Variants in RNF19A observed in about 807,000 individuals in gnomAD.
RNF19A encodes E3 ubiquitin-protein ligase RNF19A.
RNF19A carries 32 observed loss-of-function variants against 75.7 expected under a neutral mutation model. The ratio of observed to expected loss-of-function variants is 0.42; its 90% CI spans 0.32 to 0.57. The LOEUF is 0.57. RNF19A is among the 20% of genes least tolerant of loss of function. The pLI, the probability that RNF19A is intolerant of heterozygous loss-of-function variation, is 0.10. For missense variants in RNF19A, 782 were observed against 1,036.3 expected (o/e 0.75, Z 3.37); for synonymous variants, 335 against 345.2 (o/e 0.97, Z 0.33).
At position 100,261,865 on chromosome 8, in the gene RNF19A, C is replaced by T. The variant is rs1184290584; in HGVS notation, c.1469-110G>A. On this transcript the variant is annotated intron_variant, in intron 7 of 9. Transcript: ENST00000341084. The surrounding 1 kb of genome is among the most constrained non-coding windows in gnomAD (Gnocchi z 4.4). ...CATTATATAAGGTATAAAATATACG[C>T]AGACATGGAAAAATATTTTTTTCAG... 6 of 1,092,006 alleles carry T rather than the reference C, an allele frequency of 5.5e-6. No homozygotes were observed. The African/African-American group carries it at 6.3e-5, about 11-fold the overall frequency. 67.6% of individuals were successfully genotyped at this position (1,092,006 alleles called of 1,614,324 possible). A position where few individuals can be genotyped will look rare whatever the true frequency, so the allele number is the denominator to read the frequency against.
At position 100,333,217 on chromosome 8, in the gene RNF19A, T is replaced by G. The variant is rs1175710463; in HGVS notation, c.-243+2891A>C. 6.6e-6 allele frequency among the ~76,000 whole-genome samples: 1 copy of G among 152,248 alleles called. No individual in the cohort carries two copies. Among genetic ancestry groups the G allele is most frequent in the Non-Finnish European group, 1.5e-5 (1 of 68,044 alleles). Reference sequence around the variant, plus strand: ...TGTGATGCTTTCTGCCATGTAATGATGTAGCAAGATGGCCCTCATCAGATG... The same window carrying G: ...TGTGATGCTTTCTGCCATGTAATGAGGTAGCAAGATGGCCCTCATCAGATG... On this transcript the variant is annotated intron_variant, in intron 1 of 3. Coordinates refer to the RNF19A transcript ENST00000519527. The surrounding 1 kb of genome is among the most constrained non-coding windows in gnomAD (Gnocchi z 4.7).
chr8:100,293,738 A>G (rs889421537), intron 1 of RNF19A, among the ~76,000 whole-genome samples: 24 of 152,088 alleles, frequency 1.6e-4, no homozygotes, highest in African/African-American at 5.1e-4. Context: ...AATTATTTGT[A>G]TGTCAGTTTG....
intron 1 of RNF19A, among the ~76,000 whole-genome samples, chr8:100,308,440 T>C (rs1376747510): frequency 6.6e-6 from 1 of 152,206 alleles, no homozygotes; most frequent in Non-Finnish European, 1.5e-5. Context: ...CGCCATTTTC[T>C]AAATAGAGAA....
At chr8:100,306,583 T>C (rs1475218125) in intron 1 of RNF19A, among the ~76,000 whole-genome samples, 1 of 152,206 alleles carries the variant, frequency 6.6e-6, no homozygotes, top group Non-Finnish European at 1.5e-5. Flanking sequence ...GTGTTACTTT[T>C]TCCACTTTGA....
At position 100,275,702 on chromosome 8, in the gene RNF19A, T is replaced by C. The variant is rs1231890745; in HGVS notation, c.675-541A>G. ...AATCTTAATAATGGTTTTCTTGGTA[T>C]TGGGTTTTAATTTTCTTGTTTATAT... On this transcript the variant is annotated intron_variant, in intron 2 of 9. Transcript: ENST00000341084. The surrounding 1 kb of genome is among the most constrained non-coding windows in gnomAD (Gnocchi z 4.3). Among the ~76,000 whole-genome samples, 1 of 152,206 alleles carries C rather than the reference T, an allele frequency of 6.6e-6. No individual in the cohort carries two copies. The highest frequency in any genetic ancestry group is 1.9e-4 in the East Asian group (1 of 5,204).
At chr8:100,310,534 C>A (rs1660345), upstream of RNF19A, among the ~76,000 whole-genome samples, 48,907 of 152,134 alleles carry the variant, frequency 0.32, 8,580 homozygotes, top group East Asian at 0.41. Context: ...CCTTTGTGTT[C>A]TCAGGGTTCA....
intron 1 of RNF19A, among the ~76,000 whole-genome samples, chr8:100,318,940 A>G (rs940949319): frequency 7.2e-5 from 11 of 152,256 alleles, no homozygotes; most frequent in Non-Finnish European, 1.3e-4. Context: ...GGCCAGAAGC[A>G]CATGGCCCAG....
At chr8:100,276,675 T>G (rs1379064384) in intron 2 of RNF19A, among the ~76,000 whole-genome samples, 1 of 148,444 alleles carries the variant, frequency 6.7e-6, no homozygotes, top group Non-Finnish European at 1.5e-5. Context: ...CTGCTTGAAC[T>G]TGGGAGGCAG....
chr8:100,269,509 A>G lies in RNF19A; in HGVS notation c.1028+360T>C, dbSNP rs939486312. ...AATAGTAAACTAATGCAAAACATGC[A>G]TATTTTTAGGCATCAATTATCTGAT... On this transcript the variant is annotated intron_variant, in intron 4 of 9. Coordinates refer to ENST00000341084, the MANE Select transcript of RNF19A (RefSeq NM_183419.4). The surrounding 1 kb of genome is among the most constrained non-coding windows in gnomAD (Gnocchi z 5.7). Among the ~76,000 whole-genome samples the G allele has an allele frequency of 1.3e-5, 2 of 152,126 alleles. No homozygotes were observed. The highest frequency in any genetic ancestry group is 1.3e-4 in the Admixed American group (2 of 15,256).
chr8:100,310,272 C>G, upstream of RNF19A: 7 of 983,010 alleles, frequency 7.1e-6, no homozygotes, highest in Non-Finnish European at 8.5e-6. Flanking sequence ...CACGTTCGTT[C>G]CGCGCCCGCG....
chr8:100,280,549 G>A (rs1167372845), intron 2 of RNF19A, among the ~76,000 whole-genome samples: 1 of 152,128 alleles, frequency 6.6e-6, no homozygotes, highest in East Asian at 1.9e-4. Context: ...AAACATTCAA[G>A]TCTTACTGAA....
chr8:100,261,455 A>G lies in RNF19A; in HGVS notation c.1682+87T>C, dbSNP rs529334574. ...CCTTGACATAGTAGGGTTATATATAATCATCATGCTTTATGTTCAAAATTC... is the reference window on the plus strand; with the variant it reads ...CCTTGACATAGTAGGGTTATATATAGTCATCATGCTTTATGTTCAAAATTC... On this transcript the variant is annotated intron_variant, in intron 8 of 9. Coordinates refer to ENST00000341084, the MANE Select transcript of RNF19A (RefSeq NM_183419.4). This position sits in a 1 kb window ranked among gnomAD's most constrained non-coding sequence, Gnocchi z 4.4. 5.2e-5 allele frequency: 61 copies of G among 1,167,544 alleles called. No homozygotes were observed. Among genetic ancestry groups the G allele is most frequent in the South Asian group, 1.0e-4 (8 of 76,930 alleles). The allele number at this position is 1,167,544 out of a possible 1,614,324, so 72.3% of individuals were successfully genotyped here. A position where few individuals can be genotyped will look rare whatever the true frequency, so the allele number is the denominator to read the frequency against.
chr8:100,259,591 A>G lies in RNF19A; in HGVS notation c.1826+263T>C, dbSNP rs572825583. On this transcript the variant is annotated intron_variant, in intron 9 of 9. Coordinates refer to ENST00000341084, the MANE Select transcript of RNF19A (RefSeq NM_183419.4). This position sits in a 1 kb window ranked among gnomAD's most constrained non-coding sequence, Gnocchi z 4.5. ...AGCTGTGCAACCATCACCACTACCTAACTTCAGAACATTTTCATGATCCCA... is the reference window on the plus strand; with the variant it reads ...AGCTGTGCAACCATCACCACTACCTGACTTCAGAACATTTTCATGATCCCA... Among the ~76,000 whole-genome samples, 2 of 152,080 alleles carry G rather than the reference A, an allele frequency of 1.3e-5. No individual in the cohort carries two copies. Among genetic ancestry groups the G allele is most frequent in the African/African-American group, 2.4e-5 (1 of 41,398 alleles).
Position 100,330,776 on chromosome 8 carries a change from C to T in RNF19A, c.-243+5332G>A, listed in dbSNP as rs943216585. 5.3e-5 allele frequency among the ~76,000 whole-genome samples: 8 copies of T among 152,090 alleles called. No individual in the cohort carries two copies. The highest frequency in any genetic ancestry group is 1.9e-4 in the African/African-American group (8 of 41,378). ...TGTCCTTTCAGTTTCTAACTTCTCTCCTTCTCTCTCCTTCCCATGGCTTCT... is the reference window on the plus strand; with the variant it reads ...TGTCCTTTCAGTTTCTAACTTCTCTTCTTCTCTCTCCTTCCCATGGCTTCT... On this transcript the variant is annotated intron_variant, in intron 1 of 3. Transcript: ENST00000519527. This position sits in a 1 kb window ranked among gnomAD's most constrained non-coding sequence, Gnocchi z 4.1.
chr8:100,309,958 G>C (rs1199300365), upstream of RNF19A: 1 of 985,886 alleles, frequency 1.0e-6, no homozygotes, highest in East Asian at 1.1e-4. Flanking sequence ...AAGCGCGGGG[G>C]AGGGTCCCTC....
At chr8:100,321,777 A>C (rs1345956973) in intron 1 of RNF19A, among the ~76,000 whole-genome samples, 3 of 152,246 alleles carry the variant, frequency 2.0e-5, no homozygotes, top group African/African-American at 7.2e-5. Context: ...AACAGGTATG[A>C]AAACAATATT....
chr8:100,332,573 T>C lies in RNF19A; in HGVS notation c.-243+3535A>G, dbSNP rs1822625694. Reference sequence around the variant, plus strand: ...TACAATATCTATTGTCCAATTATCCTACAAGTGATCACATAAATCACCTTG... The same window carrying C: ...TACAATATCTATTGTCCAATTATCCCACAAGTGATCACATAAATCACCTTG... On this transcript the variant is annotated intron_variant, in intron 1 of 3. Coordinates refer to the RNF19A transcript ENST00000519527. This position sits in a 1 kb window ranked among gnomAD's most constrained non-coding sequence, Gnocchi z 4.8. 6.6e-6 allele frequency among the ~76,000 whole-genome samples: 1 copy of C among 152,230 alleles called. No individual in the cohort carries two copies. The highest frequency in any genetic ancestry group is 2.1e-4 in the South Asian group (1 of 4,838).
At chr8:100,311,717 C>CAAAA (rs55695585), upstream of RNF19A, among the ~76,000 whole-genome samples, 10 of 89,852 alleles carry the variant, frequency 1.1e-4, no homozygotes, top group South Asian at 3.7e-4. Flanking sequence ...GACTCCGTCT[C>CAAAA]AAAAAAAAAA....
intron 1 of RNF19A, chr8:100,300,501 A>C (rs1257509416): frequency 2.0e-5 from 3 of 152,058 alleles, no homozygotes; most frequent in Admixed American, 6.6e-5. Flanking sequence ...AAAACTACAC[A>C]AATTAGCTGG....
Sources: gnomAD v4.1 joint callset for allele counts (sites outside exome capture counted in the v4.1 genomes callset) on GRCh38, gnomAD v4.1.1 for gene constraint, Gnocchi (gnomAD v3.1) non-coding constraint, MANE v1.5 for transcripts, NCBI Gene and HGNC (gene_info 2026-07-23, HGNC 2026-07-21) for gene names.